The following NCAM2 variants were observed in gnomAD, a reference collection of about 807,000 sequenced individuals.
The protein encoded by NCAM2 is neural cell adhesion molecule 2.
Under a neutral mutation model 98.1 loss-of-function variants are expected in NCAM2, and 30 were observed. That is an observed-to-expected ratio of 0.31 (90% CI 0.23 to 0.41). The LOEUF (loss-of-function observed/expected upper bound fraction) is 0.41, where lower values mean the gene tolerates loss of function less well. Ranked by LOEUF, NCAM2 falls within the 10% of genes least tolerant of loss-of-function variation. The probability of loss-of-function intolerance (pLI) is 1.00; values close to 1 mark genes in which losing one functional copy is unlikely to be tolerated. For synonymous variants in NCAM2, 368 were observed against 342.4 expected, an observed-to-expected ratio of 1.07 and a Z score of -0.83; for missense variants, 867 against 1,005.8, an observed-to-expected ratio of 0.86 and a Z score of 1.87.
chr21:21,392,799 GT>G (rs1010926130), intron 9 of NCAM2, among the ~76,000 whole-genome samples: 3 of 151,916 alleles, frequency 2.0e-5, no homozygotes, highest in South Asian at 2.1e-4. Context: ...AATGGGGTTG[GT>G]TTTTTTCTTG....
intron 1 of NCAM2, among the ~76,000 whole-genome samples, chr21:21,266,503 A>C (rs1314807095): frequency 6.6e-6 from 1 of 152,190 alleles, no homozygotes; most frequent in Non-Finnish European, 1.5e-5. Context: ...CGTATTAAGA[A>C]AATGTGGCAC....
At chr21:21,208,112 A>T (rs113526009) in intron 1 of NCAM2, among the ~76,000 whole-genome samples, 1 of 152,282 alleles carries the variant, frequency 6.6e-6, no homozygotes, top group African/African-American at 2.4e-5. Context: ...GCTGTGTTAG[A>T]TCATAAGCCC....
chr21:21,324,485 C>T lies in NCAM2; in HGVS notation c.722C>T (p.Ala241Val), dbSNP rs2074460115. The T allele has an allele frequency of 6.2e-7, 1 of 1,610,606 alleles. No homozygotes were observed. Among genetic ancestry groups the T allele is most frequent in the Non-Finnish European group, 8.5e-7 (1 of 1,177,148 alleles). The change falls in exon 6 of 18, where the codon GCC (alanine) becomes GTC (valine). Residue 241 changes from alanine to valine, a missense_variant. By Grantham distance (64) the Ala-to-Val change is moderately conservative. This residue lies in a region of NCAM2 where 447 missense variants were observed against 495.7 expected (regional missense o/e 0.90). Transcript: ENST00000400546. Reference protein sequence around the residue: ...SCRASGSPEPAISWFRNGKLI... With the variant: ...SCRASGSPEPVISWFRNGKLI... ...AGGGCCTCAGGCTCTCCAGAACCCGCCATCTCCTGGTTCAGGTAGGTTATG... is the reference window on the plus strand; with the variant it reads ...AGGGCCTCAGGCTCTCCAGAACCCGTCATCTCCTGGTTCAGGTAGGTTATG...
At position 21,527,143 on chromosome 21, in the gene NCAM2, G is replaced by A. The variant is rs1293411624; in HGVS notation, c.2283-7394G>A. On this transcript the variant is annotated intron_variant, in intron 16 of 17. Coordinates refer to ENST00000400546, the MANE Select transcript of NCAM2 (RefSeq NM_004540.5). ...TTTTTTTTTTTTGAGATGGAGTCTC[G>A]CTCTGTTGCCCAGGCTAGAGTGCAG... 2.7e-5 allele frequency among the ~76,000 whole-genome samples: 4 copies of A among 147,538 alleles called. No homozygotes were observed. In the South Asian group the frequency reaches 6.3e-4, roughly 23 times the overall value.
chr21:21,280,200 A>T (rs1477426985), intron 1 of NCAM2, among the ~76,000 whole-genome samples: 3 of 151,858 alleles, frequency 2.0e-5, no homozygotes, highest in Non-Finnish European at 4.4e-5. Flanking sequence ...AGTTGTTGTA[A>T]TGATAATATA....
chr21:21,496,146 C>G (rs1987218424), intron 15 of NCAM2, among the ~76,000 whole-genome samples: 1 of 151,694 alleles, frequency 6.6e-6, no homozygotes, highest in Non-Finnish European at 1.5e-5. Context: ...AATTGGATTA[C>G]TGGGTCAAAT....
intron 1 of NCAM2, among the ~76,000 whole-genome samples, chr21:21,135,346 T>C (rs1413916534): frequency 6.6e-6 from 1 of 152,132 alleles, no homozygotes; most frequent in African/African-American, 2.4e-5. Context: ...TTGCCAGTTG[T>C]ATTTCATTTT....
At chr21:21,188,064 A>G (rs1039162011) in intron 1 of NCAM2, among the ~76,000 whole-genome samples, 3 of 152,168 alleles carry the variant, frequency 2.0e-5, no homozygotes, top group African/African-American at 7.2e-5. Context: ...AAGTGTTTAT[A>G]ATTTTACCCA....
At chr21:21,305,376 A>G (rs2073849972) in intron 5 of NCAM2, among the ~76,000 whole-genome samples, 1 of 152,096 alleles carries the variant, frequency 6.6e-6, no homozygotes. Flanking sequence ...AGACACTTTT[A>G]CTTATTCCTT....
At chr21:21,126,218 C>G in intron 1 of NCAM2, among the ~76,000 whole-genome samples, 1 of 118,306 alleles carries the variant, frequency 8.5e-6, no homozygotes, top group Non-Finnish European at 1.7e-5. Context: ...CTTCCATTTC[C>G]GATACTATCA....
At chr21:21,345,210 C>T (rs1384614020) in intron 8 of NCAM2, among the ~76,000 whole-genome samples, 1 of 151,982 alleles carries the variant, frequency 6.6e-6, no homozygotes, top group East Asian at 1.9e-4. Context: ...CTCTTTAATA[C>T]CCAGACACTG....
chr21:21,538,612 A>C lies in NCAM2; in HGVS notation c.*655A>C, dbSNP rs1990107619. On this transcript the variant is annotated 3_prime_UTR_variant, in exon 18 of 18. Coordinates refer to ENST00000400546, the MANE Select transcript of NCAM2 (RefSeq NM_004540.5). Reference sequence around the variant, plus strand: ...ATTGTTACCCATTTGAAAGAATATTAGTTGTATATAAAATTAGATTAGAAA... The same window carrying C: ...ATTGTTACCCATTTGAAAGAATATTCGTTGTATATAAAATTAGATTAGAAA... 6.6e-6 allele frequency: 1 copy of C among 152,352 alleles called. No homozygotes were observed. Among genetic ancestry groups the C allele is most frequent in the South Asian group, 2.1e-4 (1 of 4,826 alleles). The allele number at this position is 152,352 out of a possible 1,614,324, so 9.4% of individuals were successfully genotyped here. A position where few individuals can be genotyped will look rare whatever the true frequency, so the allele number is the denominator to read the frequency against.
chr21:21,008,657 T>C (rs946375821), intron 1 of NCAM2, among the ~76,000 whole-genome samples: 2 of 152,194 alleles, frequency 1.3e-5, no homozygotes, highest in African/African-American at 4.8e-5. Context: ...CTCACATCCA[T>C]GAAGCAGTTA....
At chr21:21,419,930 C>T (rs1039879025) in intron 11 of NCAM2, among the ~76,000 whole-genome samples, 1 of 151,934 alleles carries the variant, frequency 6.6e-6, no homozygotes, top group Non-Finnish European at 1.5e-5. Context: ...CCTGAGGAAT[C>T]GTCACACTGA....
At chr21:21,144,350 GA>G (rs71195305) in intron 1 of NCAM2, among the ~76,000 whole-genome samples, 101,628 of 145,108 alleles carry the variant, frequency 0.7, 35,023 homozygotes, top group African/African-American at 0.74. Context: ...ATCTCAAAAA[GA>G]AAAAAAAAAA....
chr21:21,415,767 T>G (rs181565507), intron 10 of NCAM2, among the ~76,000 whole-genome samples: 1 of 152,200 alleles, frequency 6.6e-6, no homozygotes, highest in South Asian at 2.1e-4. Context: ...CTTCAAACTC[T>G]TCTTCTGCAC....
intron 1 of NCAM2, among the ~76,000 whole-genome samples, chr21:21,190,314 A>G (rs1273423480): frequency 6.6e-6 from 1 of 152,216 alleles, no homozygotes; most frequent in Non-Finnish European, 1.5e-5. Flanking sequence ...AGCATCTCCC[A>G]GTTCCAAGAA....
At chr21:21,073,498 A>G (rs1003136536) in intron 1 of NCAM2, among the ~76,000 whole-genome samples, 4 of 152,218 alleles carry the variant, frequency 2.6e-5, no homozygotes, top group Non-Finnish European at 4.4e-5. Context: ...CTGAAAATAC[A>G]TTGCATCCTG....
chr21:21,284,417 T>TA lies in NCAM2; in HGVS notation c.337+18dup. 1.3e-6 allele frequency: 2 copies of TA among 1,574,610 alleles called. No homozygotes were observed. Among genetic ancestry groups the TA allele is most frequent in the Non-Finnish European group, 1.7e-6 (2 of 1,146,834 alleles). ...AAATTTACCGTAAGTAATGTATTTATATGTTTTAGTTTATTCAATTTCAGT... is the reference window on the plus strand; with the variant it reads ...AAATTTACCGTAAGTAATGTATTTATAATGTTTTAGTTTATTCAATTTCAGT... On this transcript the variant is annotated intron_variant, in intron 3 of 17. Coordinates refer to ENST00000400546, the MANE Select transcript of NCAM2 (RefSeq NM_004540.5).
Sources: allele counts gnomAD v4.1 joint callset (sites outside exome capture counted in the v4.1 genomes callset), GRCh38; gene constraint gnomAD v4.1.1; regional missense constraint gnomAD v4.1.1; transcripts MANE v1.5; gene names NCBI Gene and HGNC (gene_info 2026-07-23, HGNC 2026-07-21).